The following PTCD2 variants were observed in gnomAD, a reference collection of about 807,000 sequenced individuals.
PTCD2 encodes the protein pentatricopeptide repeat domain 2, also known as pentatricopeptide repeat-containing protein 2, mitochondrial.
In PTCD2, 31 loss-of-function variants were observed where a neutral mutation model predicts 42.6. That is an observed-to-expected ratio of 0.73 (90% CI 0.55 to 0.98). The LOEUF (loss-of-function observed/expected upper bound fraction) is 0.98, where lower values mean the gene tolerates loss of function less well. Among genes scored for constraint, PTCD2 ranks in the 50% least tolerant of loss-of-function variants. PTCD2 has a pLI of 0.00. For missense variants in PTCD2, 476 were observed against 454.8 expected, an observed-to-expected ratio of 1.05 and a Z score of -0.42; for synonymous variants, 183 against 170.9, an observed-to-expected ratio of 1.07 and a Z score of -0.55.
chr5:72,337,729 G>T (rs936056170), intron 6 of PTCD2, among the ~76,000 whole-genome samples: 1 of 152,192 alleles, frequency 6.6e-6, no homozygotes. Context: ...GGAGGCAGAC[G>T]TTGCGGTGAG....
intron 9 of PTCD2, among the ~76,000 whole-genome samples, chr5:72,357,651 A>G (rs1415082540): frequency 1.3e-5 from 2 of 152,096 alleles, no homozygotes; most frequent in Admixed American, 1.3e-4. Context: ...AGTTGATTCC[A>G]CTGGTATATG....
chr5:72,322,354 T>A, intron 2 of PTCD2, 90 bp downstream of exon 2: 1 of 775,312 alleles, frequency 1.3e-6, no homozygotes, highest in Non-Finnish European at 2.2e-6. Context: ...TTCAGTGACT[T>A]TATTATGCCT....
chr5:72,329,438 C>G (rs73102433), intron 3 of PTCD2, among the ~76,000 whole-genome samples: 1,660 of 152,294 alleles, frequency 0.011, 30 homozygotes, highest in African/African-American at 0.038. Flanking sequence ...GGATTTTAGA[C>G]CCTCTTGAAC....
At chr5:72,322,653 T>C (rs546242729) in intron 2 of PTCD2, among the ~76,000 whole-genome samples, 83 of 152,232 alleles carry the variant, frequency 5.5e-4, no homozygotes, top group Non-Finnish European at 7.6e-4. Flanking sequence ...CTTCAGATGA[T>C]TGGCTTTCAA....
chr5:72,342,486 T>A (rs1378295271), intron 7 of PTCD2, among the ~76,000 whole-genome samples: 3 of 152,210 alleles, frequency 2.0e-5, no homozygotes, highest in Non-Finnish European at 2.9e-5. Flanking sequence ...GTTGTGCCCT[T>A]ACCTTTGAGA....
chr5:72,324,037 G>A (rs995963674), intron 2 of PTCD2, among the ~76,000 whole-genome samples: 1 of 152,000 alleles, frequency 6.6e-6, no homozygotes, highest in Non-Finnish European at 1.5e-5. Flanking sequence ...CATATAGGGG[G>A]CAAAAAAATA....
At chr5:72,336,743 T>G (rs890483779) in intron 6 of PTCD2, among the ~76,000 whole-genome samples, 1 of 151,974 alleles carries the variant, frequency 6.6e-6, no homozygotes, top group African/African-American at 2.4e-5. Context: ...TATTTTATTA[T>G]TACTGTACCA....
At position 72,364,089 on chromosome 5, in the gene PTCD2, T is replaced by C. The variant is rs1441038019; in HGVS notation, c.*5662T>C. ...TGAAATGGTATTTTTTAAAAGGAAG[T>C]GGTTCAACTGTATTGCATAGAAAAT... is the stretch of plus-strand genomic sequence containing the variant. On this transcript the variant is annotated 3_prime_UTR_variant, in exon 10 of 10. Transcript: ENST00000380639. The C allele has an allele frequency of 1.3e-5, 2 of 152,204 alleles. No homozygotes were observed. Among genetic ancestry groups the C allele is most frequent in the Non-Finnish European group, 2.9e-5 (2 of 68,028 alleles). 9.4% of individuals were successfully genotyped at this position (152,204 alleles called of 1,614,324 possible). A position where few individuals can be genotyped will look rare whatever the true frequency, so the allele number is the denominator to read the frequency against.
Position 72,358,602 on chromosome 5 carries a change from C to A in PTCD2, c.*175C>A, listed in dbSNP as rs567706710. 193 of 610,568 alleles carry A rather than the reference C, an allele frequency of 3.2e-4. No individual in the cohort carries two copies. The African/African-American group carries it at 3.3e-3, about 10-fold the overall frequency. The allele number at this position is 610,568 out of a possible 1,614,324, so 37.8% of individuals were successfully genotyped here. A position where few individuals can be genotyped will look rare whatever the true frequency, so the allele number is the denominator to read the frequency against. ...CGATCTCTGAGAAGTTATGTTGCAC[C>A]ACTGTGAAGGTCTAGATGCAAGCTT... On this transcript the variant is annotated 3_prime_UTR_variant, in exon 10 of 10. Transcript: ENST00000380639.
In PTCD2 at chr5:72,364,807, C is replaced by G. The variant is rs1318067854; in HGVS notation, c.*6380C>G. The G allele has an allele frequency of 6.6e-6, 1 of 152,104 alleles. No homozygotes were observed. The highest frequency in any genetic ancestry group is 2.4e-5 in the African/African-American group (1 of 41,402). 9.4% of individuals were successfully genotyped at this position (152,104 alleles called of 1,614,324 possible). A position where few individuals can be genotyped will look rare whatever the true frequency, so the allele number is the denominator to read the frequency against. On this transcript the variant is annotated 3_prime_UTR_variant, in exon 10 of 10. Transcript: ENST00000380639. ...TGCATTCATGTACTGGACCAGGGCCCCTGTATCTTGCAGTAATGTATCCGT... is the reference window on the plus strand; with the variant it reads ...TGCATTCATGTACTGGACCAGGGCCGCTGTATCTTGCAGTAATGTATCCGT...
chr5:72,335,686 T>C (rs1751700332), intron 5 of PTCD2, 108 bp from the exon 6 acceptor site: 2 of 572,254 alleles, frequency 3.5e-6, no homozygotes, highest in Non-Finnish European at 6.2e-6. Context: ...GAATAGCTTT[T>C]ATTTTGTTGA....
intron 5 of PTCD2, 158 bp from the exon 6 acceptor site, chr5:72,335,636 G>A (rs1462950940): frequency 2.0e-6 from 1 of 497,264 alleles, no homozygotes; most frequent in Admixed American, 3.6e-5. Flanking sequence ...TGACTTGATA[G>A]TTTATTTCAA....
At chr5:72,355,661 A>T (rs183318491) in intron 9 of PTCD2, among the ~76,000 whole-genome samples, 144 of 152,296 alleles carry the variant, frequency 9.5e-4, no homozygotes, top group Non-Finnish European at 1.8e-3. Context: ...ACAAATTGGA[A>T]TTCTTGTAGG....
chr5:72,358,626 T>C lies in PTCD2; in HGVS notation c.*199T>C. On this transcript the variant is annotated 3_prime_UTR_variant, in exon 10 of 10. Coordinates refer to ENST00000380639, the MANE Select transcript of PTCD2 (RefSeq NM_024754.5). ...CCACTGTGAAGGTCTAGATGCAAGC[T>C]TGGCTCCCTCAGAAAGGCGCTTCCC... 1.7e-6 allele frequency: 1 copy of C among 586,152 alleles called. No homozygotes were observed. Among genetic ancestry groups the C allele is most frequent in the Non-Finnish European group, 3.0e-6 (1 of 329,458 alleles). The allele number at this position is 586,152 out of a possible 1,614,324, so 36.3% of individuals were successfully genotyped here.
intron 6 of PTCD2, among the ~76,000 whole-genome samples, chr5:72,336,930 G>A (rs920410911): frequency 1.3e-5 from 2 of 152,090 alleles, no homozygotes; most frequent in Non-Finnish European, 2.9e-5. Context: ...CGAAGTAGAA[G>A]AACATGGGCT....
chr5:72,330,510 T>C (rs1315667718), intron 3 of PTCD2, among the ~76,000 whole-genome samples: 1 of 152,202 alleles, frequency 6.6e-6, no homozygotes, highest in Non-Finnish European at 1.5e-5. Flanking sequence ...AAATCTGATT[T>C]ATGTGTAATC....
At chr5:72,346,627 T>C (rs1752372897) in intron 8 of PTCD2, among the ~76,000 whole-genome samples, 1 of 152,186 alleles carries the variant, frequency 6.6e-6, no homozygotes, top group African/African-American at 2.4e-5. Context: ...TTTGAGCAAG[T>C]GATACCAGTA....
chr5:72,335,268 T>C (rs1445991219), intron 5 of PTCD2, among the ~76,000 whole-genome samples, 172 bp downstream of exon 5: 1 of 151,734 alleles, frequency 6.6e-6, no homozygotes, highest in East Asian at 1.9e-4. Context: ...GCTAACAAGG[T>C]GAAACCCCGT....
At chr5:72,351,605 G>A (rs570566843) in intron 8 of PTCD2, among the ~76,000 whole-genome samples, 1 of 152,292 alleles carries the variant, frequency 6.6e-6, no homozygotes, top group South Asian at 2.1e-4. Context: ...AGTCATGGGG[G>A]AAGGCGAAGG....
Sources: gnomAD v4.1 joint callset for allele counts (sites outside exome capture counted in the v4.1 genomes callset) on GRCh38, gnomAD v4.1.1 for gene constraint, MANE v1.5 for transcripts, NCBI Gene and HGNC (gene_info 2026-07-23, HGNC 2026-07-21) for gene names.